The following TBC1D9 variants were observed in gnomAD, a reference collection of about 807,000 sequenced individuals.
TBC1D9 encodes TBC1 domain family member 9A.
TBC1D9 carries 63 observed loss-of-function variants against 132.0 expected under a neutral mutation model. The observed-to-expected ratio is 0.48, with a 90% CI of 0.39 to 0.59. TBC1D9 has a LOEUF of 0.59. Ranked by LOEUF, TBC1D9 falls within the 20% of genes least tolerant of loss-of-function variation. TBC1D9 has a pLI of 0.00. For missense variants in TBC1D9, 1,261 were observed against 1,592.7 expected (o/e 0.79, Z 3.54); for synonymous variants, 610 against 609.9 (o/e 1.00, Z 0.00).
At chr4:140,669,543 T>C (rs556414805) in intron 8 of TBC1D9, 91 bp downstream of exon 8, 3 of 1,323,072 alleles carry the variant, frequency 2.3e-6, no homozygotes, top group Admixed American at 2.4e-5. Context: ...TCCATTTACA[T>C]AGGCATGTGT....
At chr4:140,678,658 C>G (rs897095783) in intron 5 of TBC1D9, among the ~76,000 whole-genome samples, 1 of 152,130 alleles carries the variant, frequency 6.6e-6, no homozygotes. Context: ...GCCTTTCTTA[C>G]CCACTCTTCC....
intron 3 of TBC1D9, among the ~76,000 whole-genome samples, chr4:140,684,549 GA>G (rs753789338): frequency 5.9e-5 from 9 of 152,054 alleles, no homozygotes; most frequent in Non-Finnish European, 1.0e-4. Flanking sequence ...AAACAAAAAG[GA>G]AAATGGCTGT....
chr4:140,622,876 G>C lies in TBC1D9; in HGVS notation c.3120C>G (p.Phe1040Leu). Residue 1040 changes from phenylalanine to leucine, a missense_variant, in exon 21 of 21, where the codon TTC (phenylalanine) becomes TTG (leucine). Transcript: ENST00000442267. ...IELCKTMYNM[F>L]SEDPNEQELY... ...GCTCCTGCTCATTGGGGTCTTCGCT[G>C]AACATGTTATACATTGTCTTACACA... The C allele has an allele frequency of 1.9e-6, 3 of 1,584,114 alleles. No individual in the cohort carries two copies. Among genetic ancestry groups the C allele is most frequent in the Non-Finnish European group, 2.6e-6 (3 of 1,167,844 alleles).
chr4:140,627,257 T>A (rs1560864611), intron 18 of TBC1D9, among the ~76,000 whole-genome samples, 184 bp downstream of exon 18: 1 of 152,226 alleles, frequency 6.6e-6, no homozygotes, highest in Non-Finnish European at 1.5e-5. Context: ...TTTCCTTCAG[T>A]GGGCTGAGGT....
chr4:140,655,646 G>A (rs1374801339), intron 13 of TBC1D9, among the ~76,000 whole-genome samples: 1 of 152,158 alleles, frequency 6.6e-6, no homozygotes, highest in African/African-American at 2.4e-5. Context: ...CAGGTGTTAA[G>A]GGGGAAAGTG....
intron 16 of TBC1D9, among the ~76,000 whole-genome samples, chr4:140,630,039 G>A (rs1736767809): frequency 6.6e-6 from 1 of 152,136 alleles, no homozygotes; most frequent in Non-Finnish European, 1.5e-5. Flanking sequence ...ACAGGTCCAG[G>A]ATTTGCACCT....
intron 6 of TBC1D9, among the ~76,000 whole-genome samples, chr4:140,674,198 T>C (rs1560881237): frequency 6.6e-6 from 1 of 152,192 alleles, no homozygotes; most frequent in Non-Finnish European, 1.5e-5. Context: ...GTAAATTTGG[T>C]GAAAAAACTT....
chr4:140,679,283 C>T, intron 4 of TBC1D9, 80 bp from the exon 5 acceptor site: 1 of 1,442,444 alleles, frequency 6.9e-7, no homozygotes, highest in Non-Finnish European at 9.4e-7. Context: ...CAACCCCACT[C>T]CCCCATCCCA....
intron 1 of TBC1D9, among the ~76,000 whole-genome samples, chr4:140,717,688 CA>C (rs1252506065): frequency 6.6e-6 from 1 of 152,158 alleles, no homozygotes; most frequent in Non-Finnish European, 1.5e-5. Context: ...GAACACAGAT[CA>C]GGGAAACAGA....
intron 2 of TBC1D9, among the ~76,000 whole-genome samples, chr4:140,688,408 C>G (rs906827907): frequency 3.3e-5 from 5 of 152,164 alleles, no homozygotes; most frequent in Non-Finnish European, 4.4e-5. Context: ...GCACACTCCT[C>G]TAATCCCAGT....
intron 9 of TBC1D9, among the ~76,000 whole-genome samples, chr4:140,666,477 AG>A (rs552282412): frequency 2.0e-4 from 30 of 152,252 alleles, no homozygotes; most frequent in Admixed American, 7.8e-4. Context: ...CTGGGACTAC[AG>A]GCGCCCGCCA....
intron 1 of TBC1D9, among the ~76,000 whole-genome samples, chr4:140,718,238 C>T (rs1194668230): frequency 9.0e-4 from 105 of 117,200 alleles, no homozygotes; most frequent in Non-Finnish European, 1.4e-3. Context: ...TTTTCTGTTC[C>T]TTTTTTCAGA....
intron 13 of TBC1D9, among the ~76,000 whole-genome samples, chr4:140,649,563 A>G (rs17006229): frequency 6.6e-6 from 1 of 152,080 alleles, no homozygotes; most frequent in Non-Finnish European, 1.5e-5. Flanking sequence ...AAAGCCTAAC[A>G]TTACAGGAGG....
At chr4:140,716,233 T>C (rs1738332155) in intron 1 of TBC1D9, among the ~76,000 whole-genome samples, 1 of 152,270 alleles carries the variant, frequency 6.6e-6, no homozygotes, top group African/African-American at 2.4e-5. Context: ...ATGCCCATAA[T>C]CCCAACATTT....
At chr4:140,717,203 A>G (rs998774657) in intron 1 of TBC1D9, among the ~76,000 whole-genome samples, 8 of 152,196 alleles carry the variant, frequency 5.3e-5, no homozygotes, top group African/African-American at 1.4e-4. Flanking sequence ...GAGAATCAAC[A>G]TATGTTACCT....
intron 1 of TBC1D9, among the ~76,000 whole-genome samples, chr4:140,750,975 TA>T (rs142119218): frequency 5.9e-5 from 9 of 152,080 alleles, no homozygotes; most frequent in East Asian, 1.9e-4. Flanking sequence ...TATTTTAAGT[TA>T]AAAAAATGCA....
chr4:140,754,614 CAAAAAAA>C (rs34471976), intron 1 of TBC1D9, among the ~76,000 whole-genome samples: 29 of 23,260 alleles, frequency 1.2e-3, no homozygotes, highest in South Asian at 6.0e-3. Context: ...GACTCTGTCT[CAAAAAAA>C]AAAAAAAAAA....
chr4:140,663,410 T>C (rs570879825), intron 9 of TBC1D9, among the ~76,000 whole-genome samples: 3 of 152,252 alleles, frequency 2.0e-5, no homozygotes, highest in East Asian at 3.9e-4. Context: ...TCAGCAAGGA[T>C]GTGGAGAAAA....
intron 1 of TBC1D9, among the ~76,000 whole-genome samples, chr4:140,717,009 T>C (rs1334265888): frequency 1.3e-5 from 2 of 151,316 alleles, no homozygotes; most frequent in Admixed American, 1.3e-4. Context: ...AATAAAACAA[T>C]AATACAATGA....
Sources: gnomAD v4.1 joint callset for allele counts (sites outside exome capture counted in the v4.1 genomes callset) on GRCh38, gnomAD v4.1.1 for gene constraint, MANE v1.5 for transcripts, NCBI Gene and HGNC (gene_info 2026-07-23, HGNC 2026-07-21) for gene names.